The following JPH3 variants were observed in gnomAD, a reference collection of about 807,000 sequenced individuals.
JPH3 encodes the protein junctophilin 3.
In JPH3, 11 loss-of-function variants were observed where a neutral mutation model predicts 59.6. That is an observed-to-expected ratio of 0.18 (90% CI 0.12 to 0.31). The LOEUF (loss-of-function observed/expected upper bound fraction) is 0.31, where lower values mean the gene tolerates loss of function less well. Ranked by LOEUF, JPH3 falls within the 10% of genes least tolerant of loss-of-function variation. The pLI, the probability that JPH3 is intolerant of heterozygous loss-of-function variation, is 1.00. For missense variants in JPH3, 1,202 were observed against 1,105.7 expected, an observed-to-expected ratio of 1.09 and a Z score of -1.24; for synonymous variants, 673 against 483.6, an observed-to-expected ratio of 1.39 and a Z score of -5.14.
At position 87,689,641 on chromosome 16, in the gene JPH3, T is replaced by C. The variant is rs762727125; in HGVS notation, c.1286-5T>C. On this transcript the variant is annotated splice_polypyrimidine_tract_variant and splice_region_variant and intron_variant, in intron 3 of 4. Transcript: ENST00000284262. Reference sequence around the variant, plus strand: ...CGTCTGGCGTCGTCTTGTGTCCCCATACAGGGCTGGAGTACCAGAGGCCGA... The same window carrying C: ...CGTCTGGCGTCGTCTTGTGTCCCCACACAGGGCTGGAGTACCAGAGGCCGA... 3.7e-6 allele frequency: 6 copies of C among 1,611,030 alleles called. No individual in the cohort carries two copies. The highest frequency in any genetic ancestry group is 1.7e-5 in the Admixed American group (1 of 59,870).
intron 4 of JPH3, chr16:87,696,101 G>T: frequency 2.2e-6 from 1 of 457,734 alleles, no homozygotes; most frequent in Non-Finnish European, 4.4e-6. Flanking sequence ...CACGGACTTT[G>T]GGAGTCCTCT....
Position 87,618,957 on chromosome 16 carries a change from C to T in JPH3, c.382+15429C>T, listed in dbSNP as rs533278358. The stretch of plus-strand genomic sequence containing the variant: ...TGGGAAAATGAGCTGGGCGTGATGG[C>T]AGGCGCCTGTAATCCCAGCTACTCG... On this transcript the variant is annotated intron_variant, in intron 1 of 4. Transcript: ENST00000284262. 2.0e-5 allele frequency among the ~76,000 whole-genome samples: 3 copies of T among 152,136 alleles called. No individual in the cohort carries two copies. In the East Asian group the frequency reaches 5.8e-4, roughly 29 times the overall value.
intron 2 of JPH3, among the ~76,000 whole-genome samples, chr16:87,682,009 C>CT (rs1294481856): frequency 2.0e-5 from 3 of 152,024 alleles, no homozygotes; most frequent in African/African-American, 4.8e-5. Flanking sequence ...ATGCAGAAAA[C>CT]TTTGAGTACA....
In JPH3 at chr16:87,642,281, C is replaced by T. The variant is rs576935962; in HGVS notation, c.383-1977C>T. On this transcript the variant is annotated intron_variant, in intron 1 of 4. Coordinates refer to ENST00000284262, the MANE Select transcript of JPH3 (RefSeq NM_020655.4). The stretch of plus-strand genomic sequence containing the variant: ...CAGTGGGGAGTGGAGGGCTGCTTCG[C>T]TCCGAGAGATGGCGGCACCTGCCAC... 1.2e-4 allele frequency among the ~76,000 whole-genome samples: 18 copies of T among 152,140 alleles called. No individual in the cohort carries two copies. In the South Asian group the frequency reaches 2.7e-3, roughly 23 times the overall value.
At chr16:87,608,987 A>G (rs1292773879) in intron 1 of JPH3, among the ~76,000 whole-genome samples, 1 of 152,256 alleles carries the variant, frequency 6.6e-6, no homozygotes, top group East Asian at 1.9e-4. Context: ...CAGTGAGCCA[A>G]GATGGTGCCA....
intron 4 of JPH3, among the ~76,000 whole-genome samples, chr16:87,691,473 G>A (rs1378295125): frequency 1.3e-5 from 2 of 152,172 alleles, no homozygotes; most frequent in South Asian, 4.1e-4. Flanking sequence ...GGGGGTGTCC[G>A]CAGGGGGCGC....
intron 2 of JPH3, among the ~76,000 whole-genome samples, chr16:87,660,820 G>T (rs1297851145): frequency 6.6e-6 from 1 of 152,202 alleles, no homozygotes; most frequent in African/African-American, 2.4e-5. Flanking sequence ...GCTCCACCCA[G>T]TTATGGGAGT....
chr16:87,650,983 C>G (rs899229661), intron 2 of JPH3, among the ~76,000 whole-genome samples: 3 of 152,208 alleles, frequency 2.0e-5, no homozygotes, highest in African/African-American at 7.2e-5. Flanking sequence ...GACTTTCATG[C>G]TAGGAAGAAG....
intron 2 of JPH3, among the ~76,000 whole-genome samples, chr16:87,660,811 C>T (rs1027300009): frequency 6.6e-6 from 1 of 152,202 alleles, no homozygotes; most frequent in Admixed American, 6.5e-5. Flanking sequence ...AGACAAACAG[C>T]TCCACCCAGT....
rs116016705 is a variant in JPH3, at chr16:87,662,283, C to T, written c.1160+17248C>T. Among the ~76,000 whole-genome samples the T allele has an allele frequency of 4.2e-3, 641 of 152,204 alleles. 2 individuals are homozygous for T. The highest frequency in any genetic ancestry group is 0.015 in the African/African-American group (611 of 41,522). ...CCTGGGGAGGTGAGTGTGAGGAACC[C>T]GGTGTACTCTGTCGATGTTTAAGGG... On this transcript the variant is annotated intron_variant, in intron 2 of 4. Transcript: ENST00000284262.
intron 1 of JPH3, among the ~76,000 whole-genome samples, chr16:87,638,056 A>G (rs943113557): frequency 2.6e-5 from 4 of 152,106 alleles, no homozygotes; most frequent in African/African-American, 9.6e-5. Context: ...AGTAGCTGGG[A>G]CTACAGGTGC....
chr16:87,636,064 C>T (rs538768194), intron 1 of JPH3, among the ~76,000 whole-genome samples: 31 of 152,360 alleles, frequency 2.0e-4, no homozygotes, highest in South Asian at 2.1e-4. Context: ...GGGCAGCTTG[C>T]GGGGCAGCTT....
At chr16:87,622,396 C>G (rs1239332161) in intron 1 of JPH3, among the ~76,000 whole-genome samples, 1 of 152,184 alleles carries the variant, frequency 6.6e-6, no homozygotes, top group Non-Finnish European at 1.5e-5. Flanking sequence ...GTGCTGCTGA[C>G]CTTTGGCGGT....
chr16:87,612,787 G>A (rs1027766103), intron 1 of JPH3, among the ~76,000 whole-genome samples: 1 of 152,040 alleles, frequency 6.6e-6, no homozygotes, highest in African/African-American at 2.4e-5. Flanking sequence ...AGGCCGAGGC[G>A]GGCGGAGGCC....
chr16:87,690,096 C>T lies in JPH3; in HGVS notation c.1736C>T (p.Pro579Leu), dbSNP rs1466880630. 1 of 1,573,344 alleles carries T rather than the reference C, an allele frequency of 6.4e-7. No homozygotes were observed. The highest frequency in any genetic ancestry group is 8.6e-7 in the Non-Finnish European group (1 of 1,159,948). Residue 579 changes from proline to leucine, a missense_variant, in exon 4 of 5, where the codon CCC becomes CTC. Pro to Leu is a moderately conservative substitution (Grantham distance 98, BLOSUM62 -3). Coordinates refer to ENST00000284262, the MANE Select transcript of JPH3 (RefSeq NM_020655.4). Reference protein sequence around the residue: ...PKPRERRTESPPVFTWTSHHR... With the variant: ...PKPRERRTESLPVFTWTSHHR... Reference sequence around the variant, plus strand: ...CCGCGGGAGCGGCGGACGGAGTCACCCCCCGTGTTCACGTGGACTTCCCAC... The same window carrying T: ...CCGCGGGAGCGGCGGACGGAGTCACTCCCCGTGTTCACGTGGACTTCCCAC...
chr16:87,693,872 T>C (rs1049474594), intron 4 of JPH3: 2 of 152,184 alleles, frequency 1.3e-5, no homozygotes, highest in Non-Finnish European at 2.9e-5. Context: ...GGGAATGAGA[T>C]AGGCTCATTG....
chr16:87,663,107 ATTTC>A (rs1323678606), intron 2 of JPH3, among the ~76,000 whole-genome samples: 4 of 128,130 alleles, frequency 3.1e-5, no homozygotes, highest in Non-Finnish European at 4.9e-5. Context: ...TTCAAGGTTA[ATTTC>A]TTTCTTTTTT....
chr16:87,644,735 C>T lies in JPH3; in HGVS notation c.860C>T (p.Thr287Ile), dbSNP rs543680188. 1.9e-6 allele frequency: 3 copies of T among 1,612,968 alleles called. No homozygotes were observed. Among genetic ancestry groups the T allele is most frequent in the Non-Finnish European group, 1.7e-6 (2 of 1,179,912 alleles). Reference sequence around the variant, plus strand: ...GACATCGACGCCACCACCACCGAGACCTACGTGGGCGAGTGGAAGAACGAC... The same window carrying T: ...GACATCGACGCCACCACCACCGAGATCTACGTGGGCGAGTGGAAGAACGAC... The part of the protein sequence containing the change: ...EDDIDATTTE[T>I]YVGEWKNDKR... Residue 287 changes from threonine to isoleucine, a missense_variant, in exon 2 of 5, where the codon ACC (threonine) becomes ATC (isoleucine). Transcript: ENST00000284262.
Position 87,627,233 on chromosome 16 carries a change from T to C in JPH3, c.383-17025T>C, listed in dbSNP as rs561885439. Among the ~76,000 whole-genome samples the C allele has an allele frequency of 5.3e-5, 8 of 152,214 alleles. No individual in the cohort carries two copies. In the South Asian group the frequency reaches 8.3e-4, roughly 16 times the overall value. On this transcript the variant is annotated intron_variant, in intron 1 of 4. Transcript: ENST00000284262. ...CCCCTGGAGGTTGTTAAACCCACGT[T>C]GTGGGGCCCCAGCCCCCAGTTCCTG...
Sources: allele counts gnomAD v4.1 joint callset (sites outside exome capture counted in the v4.1 genomes callset), GRCh38; gene constraint gnomAD v4.1.1; transcripts MANE v1.5; gene names NCBI Gene and HGNC (gene_info 2026-07-23, HGNC 2026-07-21).